Variants in BACH2 observed in about 807,000 individuals in gnomAD.
BACH2 encodes the protein transcription regulator protein BACH2.
In BACH2, 5 loss-of-function variants were observed where a neutral mutation model predicts 61.8. That is an observed-to-expected ratio of 0.08 (90% CI 0.04 to 0.17). The LOEUF is 0.17. Ranked by LOEUF, BACH2 falls within the 10% of genes least tolerant of loss-of-function variation. The probability of loss-of-function intolerance (pLI) is 1.00; values close to 1 mark genes in which losing one functional copy is unlikely to be tolerated. For missense variants in BACH2, 824 were observed against 1,091.1 expected (o/e 0.76, Z 3.45); for synonymous variants, 446 against 440.1 (o/e 1.01, Z -0.17).
rs367872514 is a variant in BACH2 at position 90,028,935 on chromosome 6, GTGTT to G, written c.-12-20083_-12-20080del. Among the ~76,000 whole-genome samples the G allele has an allele frequency of 5.2e-3, 797 of 152,264 alleles. 7 individuals are homozygous for G. Among genetic ancestry groups the G allele is most frequent in the African/African-American group, 0.018 (752 of 41,552 alleles). On this transcript the variant is annotated intron_variant, in intron 5 of 8. Coordinates refer to ENST00000257749, the MANE Select transcript of BACH2 (RefSeq NM_021813.4). ...AACTGTGAGGATTAAAATATTTTAC[GTGTT>G]TGTTTGTTCATTAATTCACCAATTT...
intron 4 of BACH2, among the ~76,000 whole-genome samples, chr6:90,124,368 G>T (rs927107679): frequency 6.6e-6 from 1 of 152,130 alleles, no homozygotes; most frequent in African/African-American, 2.4e-5. Flanking sequence ...AACTTTCCAC[G>T]TGTATTTCCA....
In BACH2 at chr6:90,271,088, A is replaced by G. The variant is rs570464938; in HGVS notation, c.-353+761T>C. ...ACAAAAATCAACTCAAGATGAATCA[A>G]AGACTTAAATCTAAGACCTGAAACC... On this transcript the variant is annotated intron_variant, in intron 2 of 8. Coordinates refer to ENST00000257749, the MANE Select transcript of BACH2 (RefSeq NM_021813.4). Among the ~76,000 whole-genome samples the G allele has an allele frequency of 3.2e-3, 488 of 152,330 alleles. 3 individuals are homozygous for G. Among genetic ancestry groups the G allele is most frequent in the African/African-American group, 0.011 (450 of 41,588 alleles).
chr6:90,100,688 C>CACACACACACACAGACACACACAT (rs771773790), intron 4 of BACH2, among the ~76,000 whole-genome samples: 75 of 66,160 alleles, frequency 1.1e-3, no homozygotes, highest in African/African-American at 2.7e-3. Flanking sequence ...TCTCTCTCTA[C>CACACACACACACAGACACACACAT]ACACACACAC....
At chr6:90,287,968 G>T (rs1305802248) in intron 1 of BACH2, among the ~76,000 whole-genome samples, 1 of 152,154 alleles carries the variant, frequency 6.6e-6, no homozygotes, top group Non-Finnish European at 1.5e-5. Context: ...ACAAAAAAGT[G>T]AGCACAGAAG....
At chr6:90,033,202 T>C (rs1025301505) in intron 5 of BACH2, among the ~76,000 whole-genome samples, 3 of 151,562 alleles carry the variant, frequency 2.0e-5, no homozygotes, top group Admixed American at 2.0e-4. Flanking sequence ...CACTGGGGCC[T>C]GTTTTGGGGA....
chr6:89,951,932 A>T lies in BACH2; in HGVS notation c.244-70T>A. ...CTATTGTCCCGAATCCCTCAACTGA[A>T]GCAAGATAACCAGACAGTGCTAATG... is the stretch of plus-strand genomic sequence containing the variant. On this transcript the variant is annotated intron_variant, in intron 6 of 8. Coordinates refer to ENST00000257749, the MANE Select transcript of BACH2 (RefSeq NM_021813.4). This position sits in a 1 kb window ranked among gnomAD's most constrained non-coding sequence, Gnocchi z 6.4. The T allele has an allele frequency of 6.5e-7, 1 of 1,538,724 alleles. No individual in the cohort carries two copies. Among genetic ancestry groups the T allele is most frequent in the South Asian group, 1.2e-5 (1 of 80,562 alleles).
chr6:90,115,395 A>G (rs1783354199), intron 4 of BACH2, among the ~76,000 whole-genome samples: 2 of 152,218 alleles, frequency 1.3e-5, no homozygotes, highest in African/African-American at 4.8e-5. Context: ...GATCTTTGAC[A>G]AAGCTGACAA....
intron 5 of BACH2, among the ~76,000 whole-genome samples, chr6:90,011,930 A>AAATGTGTGTGTGTGTGTG (rs1491345075): frequency 3.0e-5 from 3 of 98,680 alleles, no homozygotes; most frequent in Admixed American, 1.1e-4. Context: ...AAAAAAAAAA[A>AAATGTGTGTGTGTGTGTG]TATGTGTGTG....
intron 4 of BACH2, among the ~76,000 whole-genome samples, chr6:90,195,618 G>GTCCA (rs1768732105): frequency 6.6e-6 from 1 of 152,172 alleles, no homozygotes; most frequent in Admixed American, 6.5e-5. Flanking sequence ...GATAGCGCCA[G>GTCCA]TCCATTTCGA....
chr6:89,927,883 ATATG>A lies in BACH2; in HGVS notation c.*4521_*4524del, dbSNP rs1359517920. 1.3e-5 allele frequency: 2 copies of A among 152,628 alleles called. No homozygotes were observed. Among genetic ancestry groups the A allele is most frequent in the Non-Finnish European group, 2.9e-5 (2 of 68,040 alleles). The allele number at this position is 152,628 out of a possible 1,614,324, so 9.5% of individuals were successfully genotyped here. ...ATTTGCACACACTATTTGTGTACAG[ATATG>A]TTCTGTTCTACAGCATCGGTTTTGG... is the stretch of plus-strand genomic sequence containing the variant. On this transcript the variant is annotated 3_prime_UTR_variant, in exon 9 of 9. Transcript: ENST00000257749.
At chr6:90,217,078 T>C (rs971111706) in intron 3 of BACH2, among the ~76,000 whole-genome samples, 2 of 152,096 alleles carry the variant, frequency 1.3e-5, no homozygotes, top group African/African-American at 4.8e-5. Flanking sequence ...CCATAAAAAT[T>C]TACCAGTTCT....
chr6:89,948,963 CAAAG>C (rs1280603324), intron 7 of BACH2, among the ~76,000 whole-genome samples: 1 of 152,216 alleles, frequency 6.6e-6, no homozygotes, highest in East Asian at 1.9e-4. Flanking sequence ...GGCTAGCAAG[CAAAG>C]AAAGTGACCA....
intron 3 of BACH2, among the ~76,000 whole-genome samples, chr6:90,232,518 A>G (rs1770131529): frequency 6.6e-6 from 1 of 152,244 alleles, no homozygotes; most frequent in Non-Finnish European, 1.5e-5. Context: ...AGAAATGAAG[A>G]CCAAGATAAT....
At chr6:90,183,527 G>A (rs889086702) in intron 4 of BACH2, among the ~76,000 whole-genome samples, 13 of 152,292 alleles carry the variant, frequency 8.5e-5, no homozygotes, top group Middle Eastern at 3.4e-3. Flanking sequence ...GTCAATAACC[G>A]TGAATAGTAT....
chr6:90,051,549 A>C (rs112699950), intron 5 of BACH2, among the ~76,000 whole-genome samples: 45 of 152,346 alleles, frequency 3.0e-4, no homozygotes, highest in African/African-American at 9.9e-4. Flanking sequence ...TATTTACTAT[A>C]TGCCTTTTTA....
intron 4 of BACH2, among the ~76,000 whole-genome samples, chr6:90,096,226 C>T (rs1782375865): frequency 6.6e-6 from 1 of 152,164 alleles, no homozygotes; most frequent in Non-Finnish European, 1.5e-5. Flanking sequence ...GTTTCTGTCC[C>T]TTGACTATGC....
chr6:90,008,647 C>A lies in BACH2; in HGVS notation c.198G>T (p.Leu66=). The change falls in exon 6 of 9, where the codon CTG becomes CTT. Residue 66 remains leucine (L), a synonymous_variant. Coordinates refer to ENST00000257749, the MANE Select transcript of BACH2 (RefSeq NM_021813.4). This position sits in a 1 kb window ranked among gnomAD's most constrained non-coding sequence, Gnocchi z 4.1. ...CCAAATCATTTTTTGTCTGTCCAACCAGCGCCTGCCAAAAATATTCACTGC... is the reference window on the plus strand; with the variant it reads ...CCAAATCATTTTTTGTCTGTCCAACAAGCGCCTGCCAAAAATATTCACTGC... The part of the protein sequence containing the change: ...AACSEYFWQA[L]VGQTKNDLVV... 1 of 1,614,234 alleles carries A rather than the reference C, an allele frequency of 6.2e-7. No homozygotes were observed. The highest frequency in any genetic ancestry group is 8.5e-7 in the Non-Finnish European group (1 of 1,180,038).
chr6:90,039,446 G>C (rs565223036), intron 5 of BACH2, among the ~76,000 whole-genome samples: 1 of 152,042 alleles, frequency 6.6e-6, no homozygotes, highest in Non-Finnish European at 1.5e-5. Flanking sequence ...ATGCAGAGGC[G>C]CGATCTTGGC....
At chr6:90,103,024 TATATA>T (rs1332337362) in intron 4 of BACH2, among the ~76,000 whole-genome samples, 5 of 56,090 alleles carry the variant, frequency 8.9e-5, no homozygotes, top group Non-Finnish European at 1.4e-4. Flanking sequence ...TATATATATA[TATATA>T]TTTTTTTTTT....
Sources: allele counts gnomAD v4.1 joint callset (sites outside exome capture counted in the v4.1 genomes callset), GRCh38; gene constraint gnomAD v4.1.1; non-coding constraint Gnocchi (gnomAD v3.1); transcripts MANE v1.5; gene names NCBI Gene and HGNC (gene_info 2026-07-23, HGNC 2026-07-21).